The following TMTC4 variants were observed in gnomAD, a reference collection of about 807,000 sequenced individuals.
TMTC4 encodes the protein transmembrane O-mannosyltransferase targeting cadherins 4.
Under a neutral mutation model 86.0 loss-of-function variants are expected in TMTC4, and 65 were observed. The ratio of observed to expected loss-of-function variants is 0.76; its 90% CI spans 0.62 to 0.93. The LOEUF is 0.93. Among genes scored for constraint, TMTC4 ranks in the 40% least tolerant of loss-of-function variants. TMTC4 has a pLI of 0.00. For synonymous variants in TMTC4, 379 were observed against 382.5 expected, an observed-to-expected ratio of 0.99 and a Z score of 0.11; for missense variants, 866 against 948.1, an observed-to-expected ratio of 0.91 and a Z score of 1.14.
chr13:100,674,840 C>G (rs1178245394), upstream of TMTC4: 1 of 975,586 alleles, frequency 1.0e-6, no homozygotes. Context: ...GGAGGGGCCG[C>G]CCGCCGCGCA....
chr13:100,611,798 C>T (rs959033179), intron 17 of TMTC4, among the ~76,000 whole-genome samples: 1 of 152,150 alleles, frequency 6.6e-6, no homozygotes, highest in African/African-American at 2.4e-5. Flanking sequence ...CCCTGGCTGC[C>T]AACTGGAGCA....
chr13:100,631,245 T>C lies in TMTC4; in HGVS notation c.1506+3560A>G, dbSNP rs143085104. Among the ~76,000 whole-genome samples, 192 of 152,328 alleles carry C rather than the reference T, an allele frequency of 1.3e-3. 1 individual carries two copies. The highest frequency in any genetic ancestry group is 4.4e-3 in the African/African-American group (183 of 41,568). Reference sequence around the variant, plus strand: ...AAATGCAAGAAAGTGAGAGTATCAGTTATGAAAGGCACCTTTAATACCAGG... The same window carrying C: ...AAATGCAAGAAAGTGAGAGTATCAGCTATGAAAGGCACCTTTAATACCAGG... On this transcript the variant is annotated intron_variant, in intron 12 of 18. Transcript: ENST00000342624.
At chr13:100,631,112 G>A (rs1054607908) in intron 12 of TMTC4, among the ~76,000 whole-genome samples, 1 of 152,222 alleles carries the variant, frequency 6.6e-6, no homozygotes, top group Non-Finnish European at 1.5e-5. Flanking sequence ...TGATTGAAAA[G>A]CTTGTTTATT....
Position 100,617,110 on chromosome 13 carries a change from C to T in TMTC4, c.1837-2680G>A, listed in dbSNP as rs181837670. Among the ~76,000 whole-genome samples, 771 of 150,374 alleles carry T rather than the reference C, an allele frequency of 5.1e-3. 5 individuals carry two copies. Among genetic ancestry groups the T allele is most frequent in the African/African-American group, 0.015 (618 of 41,032 alleles). On this transcript the variant is annotated intron_variant, in intron 15 of 18. Coordinates refer to ENST00000342624, the MANE Select transcript of TMTC4 (RefSeq NM_032813.5). Reference sequence around the variant, plus strand: ...GGGCTGATGTCTAGAATAGTGTTTCCTAGGTTTTCTTCTAGGATTTTTTTT... The same window carrying T: ...GGGCTGATGTCTAGAATAGTGTTTCTTAGGTTTTCTTCTAGGATTTTTTTT...
In TMTC4 at chr13:100,656,377, T is replaced by C; in HGVS notation, c.640+4A>G. The C allele has an allele frequency of 6.2e-7, 1 of 1,610,194 alleles. No homozygotes were observed. Among genetic ancestry groups the C allele is most frequent in the Non-Finnish European group, 8.5e-7 (1 of 1,178,652 alleles). On this transcript the variant is annotated splice_donor_region_variant and intron_variant, in intron 6 of 18. Transcript: ENST00000342624. ...AAAATTAAGAAGGCAAACAGAATGC[T>C]TACTTTCTCTAAATGCTTTACAGTA...
chr13:100,673,653 G>A (rs865807006), intron 1 of TMTC4, among the ~76,000 whole-genome samples: 4 of 152,198 alleles, frequency 2.6e-5, no homozygotes, highest in Non-Finnish European at 4.4e-5. Context: ...CTGCTGTGAC[G>A]GCCTTCCCAT....
chr13:100,643,240 G>A (rs1005927643), intron 6 of TMTC4, among the ~76,000 whole-genome samples: 2 of 152,234 alleles, frequency 1.3e-5, no homozygotes, highest in African/African-American at 2.4e-5. Flanking sequence ...TGGGACAAAA[G>A]CGAACCTTCT....
At chr13:100,637,771 G>C in intron 8 of TMTC4, 69 bp from the exon 9 acceptor site, 1 of 1,582,218 alleles carries the variant, frequency 6.3e-7, no homozygotes, top group East Asian at 2.3e-5. Context: ...GCCAGGTACA[G>C]ATGTGCAGCA....
intron 12 of TMTC4, among the ~76,000 whole-genome samples, chr13:100,627,839 T>TG (rs1880780701): frequency 6.6e-6 from 1 of 151,784 alleles, no homozygotes; most frequent in South Asian, 2.1e-4. Context: ...AATCCCGTGG[T>TG]GGGAAAGAGA....
intron 12 of TMTC4, among the ~76,000 whole-genome samples, chr13:100,632,412 A>C (rs1265811529): frequency 6.6e-6 from 1 of 152,214 alleles, no homozygotes; most frequent in Non-Finnish European, 1.5e-5. Flanking sequence ...GAGCCTCTGT[A>C]AAGAAATCTG....
intron 1 of TMTC4, among the ~76,000 whole-genome samples, chr13:100,672,026 A>G (rs1382039613): frequency 1.3e-5 from 2 of 152,170 alleles, no homozygotes; most frequent in Admixed American, 6.5e-5. Flanking sequence ...CTAAGAATCA[A>G]TTTCCTCACT....
intron 15 of TMTC4, among the ~76,000 whole-genome samples, chr13:100,616,497 G>A (rs768659656): frequency 3.3e-5 from 5 of 152,202 alleles, no homozygotes; most frequent in South Asian, 4.2e-4. Context: ...CACTGTGCCC[G>A]GCCGCATGTG....
chr13:100,609,074 T>C (rs1440350209), intron 17 of TMTC4, among the ~76,000 whole-genome samples: 1 of 152,082 alleles, frequency 6.6e-6, no homozygotes. Context: ...TGATGAGAAG[T>C]TGAAACCGTG....
At chr13:100,613,564 T>A (rs753794160) in intron 16 of TMTC4, among the ~76,000 whole-genome samples, 2 of 152,142 alleles carry the variant, frequency 1.3e-5, no homozygotes, top group Non-Finnish European at 2.9e-5. Flanking sequence ...ACTATCCATG[T>A]CATTAGCCCC....
chr13:100,656,419 A>T lies in TMTC4; in HGVS notation c.602T>A (p.Leu201Ter). 1 of 1,613,518 alleles carries T rather than the reference A, an allele frequency of 6.2e-7. No homozygotes were observed. The highest frequency in any genetic ancestry group is 8.5e-7 in the Non-Finnish European group (1 of 1,179,792). The change falls in exon 6 of 19, where the codon TTG becomes TAG. Residue 201 changes from leucine (L) to a stop codon, truncating the protein, a stop_gained. Coordinates refer to ENST00000342624, the MANE Select transcript of TMTC4 (RefSeq NM_032813.5). LOFTEE classifies it high-confidence loss of function. ...TTTACAGTAGCCAAGGAAAGATAAC[A>T]AGAAGAACAGGGCACACAGGAGGTC... ...RADLLCALFF[L>*]LSFLGYCKAF...
At chr13:100,672,397 T>C (rs1887223780) in intron 1 of TMTC4, among the ~76,000 whole-genome samples, 1 of 152,172 alleles carries the variant, frequency 6.6e-6, no homozygotes, top group Non-Finnish European at 1.5e-5. Flanking sequence ...CTAAACGACT[T>C]CTGTTCCTCA....
chr13:100,629,881 G>A (rs1160989196), intron 12 of TMTC4, among the ~76,000 whole-genome samples: 1 of 152,114 alleles, frequency 6.6e-6, no homozygotes, highest in Admixed American at 6.5e-5. Context: ...GACACACCAC[G>A]TGAGGACACA....
chr13:100,638,694 T>C (rs1882601052), intron 7 of TMTC4: 1 of 152,256 alleles, frequency 6.6e-6, no homozygotes, highest in African/African-American at 2.4e-5. Flanking sequence ...TTTGGATGTT[T>C]GGTTGTAAAA....
chr13:100,615,196 G>C (rs540134303), intron 15 of TMTC4, among the ~76,000 whole-genome samples: 1 of 152,082 alleles, frequency 6.6e-6, no homozygotes, highest in Non-Finnish European at 1.5e-5. Flanking sequence ...GGAGTGCAAT[G>C]GCGCGATCTC....
Sources: allele counts gnomAD v4.1 joint callset (sites outside exome capture counted in the v4.1 genomes callset), GRCh38; gene constraint gnomAD v4.1.1; transcripts MANE v1.5; gene names NCBI Gene and HGNC (gene_info 2026-07-23, HGNC 2026-07-21).